Variants in SLC16A14 observed in about 807,000 individuals in gnomAD.
SLC16A14 encodes solute carrier family 16 member 14, also known as monocarboxylate transporter 14.
Under a neutral mutation model 35.8 loss-of-function variants are expected in SLC16A14, and 14 were observed. That is an observed-to-expected ratio of 0.39 (90% CI 0.26 to 0.61). The LOEUF is 0.61. Ranked by LOEUF, SLC16A14 falls within the 20% of genes least tolerant of loss-of-function variation. The pLI is 0.51. For missense variants in SLC16A14, 533 were observed against 655.0 expected (o/e 0.81, Z 2.03); for synonymous variants, 248 against 258.9 (o/e 0.96, Z 0.40).
intron 1 of SLC16A14, among the ~76,000 whole-genome samples, chr2:230,067,569 TCTCACA>T (rs1362073941): frequency 7.4e-5 from 9 of 121,256 alleles, no homozygotes; most frequent in African/African-American, 2.8e-4. Flanking sequence ...TCTCTCTCTC[TCTCACA>T]CACACACACA....
chr2:230,048,179 TC>T (rs1176375501), intron 3 of SLC16A14, among the ~76,000 whole-genome samples: 1 of 152,236 alleles, frequency 6.6e-6, no homozygotes, highest in Non-Finnish European at 1.5e-5. Context: ...TTTAATCATT[TC>T]AACAACCATG....
chr2:230,051,335 A>AT (rs1483585210), intron 2 of SLC16A14, among the ~76,000 whole-genome samples: 2 of 151,958 alleles, frequency 1.3e-5, no homozygotes, highest in African/African-American at 4.8e-5. Context: ...CTAATTTTGT[A>AT]TTTTTTATAG....
Position 230,046,833 on chromosome 2 carries a change from T to TG in SLC16A14, c.404-112_404-111insC. 1 of 1,266,964 alleles carries TG rather than the reference T, an allele frequency of 7.9e-7. No individual in the cohort carries two copies. Among genetic ancestry groups the TG allele is most frequent in the Non-Finnish European group, 1.1e-6 (1 of 944,106 alleles). The allele number at this position is 1,266,964 out of a possible 1,614,324, so 78.5% of individuals were successfully genotyped here. On this transcript the variant is annotated intron_variant, in intron 3 of 4. Coordinates refer to ENST00000295190, the MANE Select transcript of SLC16A14 (RefSeq NM_152527.5). This position sits in a 1 kb window ranked among gnomAD's most constrained non-coding sequence, Gnocchi z 5.0. The stretch of plus-strand genomic sequence containing the variant: ...CCTTAATTAGCATCTATTTATGCTT[T>TG]TTATTTCTAACAAAGCAATAACACT...
intron 2 of SLC16A14, among the ~76,000 whole-genome samples, chr2:230,055,870 A>G (rs7576451): frequency 0.7 from 106,251 of 152,080 alleles, 37,441 homozygotes; most frequent in Non-Finnish European, 0.73. Context: ...TTTTTAAAAA[A>G]GAAAGAAAGC....
intron 2 of SLC16A14, chr2:230,058,220 T>A (rs954280775): frequency 1.0e-5 from 1 of 96,510 alleles, no homozygotes; most frequent in African/African-American, 3.9e-5. Flanking sequence ...AATGACAGTT[T>A]TTTTTTTTTT....
intron 1 of SLC16A14, among the ~76,000 whole-genome samples, chr2:230,062,112 A>G (rs74819107): frequency 0.017 from 2,602 of 152,220 alleles, 73 homozygotes; most frequent in African/African-American, 0.057. Context: ...AATGAGTATT[A>G]CTGACCATTA....
intron 2 of SLC16A14, among the ~76,000 whole-genome samples, chr2:230,050,647 G>A (rs991610045): frequency 1.3e-4 from 20 of 152,064 alleles, no homozygotes; most frequent in Non-Finnish European, 2.1e-4. Flanking sequence ...TTATATGGAC[G>A]GTAGGTTATT....
intron 2 of SLC16A14, among the ~76,000 whole-genome samples, chr2:230,051,394 C>T (rs1397956802): frequency 6.6e-6 from 1 of 152,156 alleles, no homozygotes; most frequent in Admixed American, 6.5e-5. Flanking sequence ...TTTCTAGGCT[C>T]AAGGGATCTG....
chr2:230,063,059 G>T (rs2077763422), intron 1 of SLC16A14, among the ~76,000 whole-genome samples: 1 of 151,992 alleles, frequency 6.6e-6, no homozygotes, highest in Non-Finnish European at 1.5e-5. Flanking sequence ...AGGCTGAGGT[G>T]TGTGGATCAC....
chr2:230,057,354 C>T (rs2077713943), intron 2 of SLC16A14, among the ~76,000 whole-genome samples: 2 of 152,116 alleles, frequency 1.3e-5, no homozygotes, highest in African/African-American at 4.8e-5. Context: ...GTATCTCCAG[C>T]TGTATAAGAT....
chr2:230,045,966 A>G lies in SLC16A14; in HGVS notation c.1160T>C (p.Leu387Ser). The change falls in exon 4 of 5, where the codon TTG (leucine) becomes TCG (serine). Residue 387 changes from leucine (L) to serine (S), a missense_variant. By Grantham distance (145) the Leu-to-Ser change is moderately radical. Transcript: ENST00000295190. ...PCISVWNVFL[L>S]ANFTLVLSIF... ...ACTGAGGACAAGGGTGAAGTTGGCCAACAGGAAGACATTCCAAACACTAAT... is the reference window on the plus strand; with the variant it reads ...ACTGAGGACAAGGGTGAAGTTGGCCGACAGGAAGACATTCCAAACACTAAT... 6.2e-7 allele frequency: 1 copy of G among 1,613,342 alleles called. No homozygotes were observed.
chr2:230,054,038 T>TA (rs5839353), intron 2 of SLC16A14, among the ~76,000 whole-genome samples: 8 of 151,004 alleles, frequency 5.3e-5, no homozygotes, highest in African/African-American at 1.7e-4. Flanking sequence ...CTTAGGAGCT[T>TA]AAAAAAAAAT....
At position 230,042,695 on chromosome 2, in the gene SLC16A14, GC is replaced by G. The variant is rs770592215; in HGVS notation, c.1381+3049del. ...GCACCATTGGCGGACTGATTCAACT[GC>G]CAATCCCAATTCTTTTCTCCTTTCC... is the stretch of plus-strand genomic sequence containing the variant. On this transcript the variant is annotated intron_variant, in intron 4 of 4. Coordinates refer to ENST00000295190, the MANE Select transcript of SLC16A14 (RefSeq NM_152527.5). 8.3e-4 allele frequency among the ~76,000 whole-genome samples: 126 copies of G among 152,284 alleles called. 1 individual carries two copies. Among genetic ancestry groups the G allele is most frequent in the South Asian group, 1.5e-3 (7 of 4,818 alleles).
At chr2:230,050,515 G>GA (rs1042005007) in intron 2 of SLC16A14, among the ~76,000 whole-genome samples, 3 of 152,018 alleles carry the variant, frequency 2.0e-5, no homozygotes, top group African/African-American at 7.2e-5. Context: ...TATAATGAGG[G>GA]AAAAAAAGAA....
chr2:230,056,879 TAA>T (rs60620443), intron 2 of SLC16A14, among the ~76,000 whole-genome samples: 48,363 of 95,314 alleles, frequency 0.51, 9,570 homozygotes, highest in African/African-American at 0.56. Flanking sequence ...CTACAAAAAG[TAA>T]AAAAAAAAAA....
intron 4 of SLC16A14, among the ~76,000 whole-genome samples, chr2:230,042,231 G>A (rs1271763264): frequency 6.6e-6 from 1 of 152,168 alleles, no homozygotes; most frequent in African/African-American, 2.4e-5. Context: ...TCCACCTCTG[G>A]GGAGGAACCT....
chr2:230,059,735 T>C (rs956368608), intron 1 of SLC16A14, among the ~76,000 whole-genome samples: 12 of 152,232 alleles, frequency 7.9e-5, no homozygotes, highest in African/African-American at 2.7e-4. Flanking sequence ...TAGAGATGGA[T>C]ACTGACAGGT....
At chr2:230,056,803 G>A (rs566721917) in intron 2 of SLC16A14, among the ~76,000 whole-genome samples, 20 of 150,302 alleles carry the variant, frequency 1.3e-4, no homozygotes, top group South Asian at 6.3e-4. Flanking sequence ...CCAGGTGTTC[G>A]AGGCTGCAGT....
chr2:230,041,927 G>T (rs2077563067), intron 4 of SLC16A14, among the ~76,000 whole-genome samples: 1 of 152,196 alleles, frequency 6.6e-6, no homozygotes, highest in South Asian at 2.1e-4. Flanking sequence ...ATAAACGGTG[G>T]CTTGCATCTC....
Sources: allele counts gnomAD v4.1 joint callset (sites outside exome capture counted in the v4.1 genomes callset), GRCh38; gene constraint gnomAD v4.1.1; non-coding constraint Gnocchi (gnomAD v3.1); transcripts MANE v1.5; gene names NCBI Gene and HGNC (gene_info 2026-07-23, HGNC 2026-07-21).